Variants in LAMC2 observed in about 807,000 individuals in gnomAD.
The protein encoded by LAMC2 is laminin subunit gamma 2.
LAMC2 carries 97 observed loss-of-function variants against 140.2 expected under a neutral mutation model. The ratio of observed to expected loss-of-function variants is 0.69; its 90% CI spans 0.59 to 0.82. The LOEUF (loss-of-function observed/expected upper bound fraction) is 0.82, where lower values mean the gene tolerates loss of function less well. Among genes scored for constraint, LAMC2 ranks in the 40% least tolerant of loss-of-function variants. The pLI is 0.00. For synonymous variants in LAMC2, 513 were observed against 540.2 expected, an observed-to-expected ratio of 0.95 and a Z score of 0.70; for missense variants, 1,402 against 1,476.1, an observed-to-expected ratio of 0.95 and a Z score of 0.82.
At chr1:183,241,908 GAGT>G (rs1335573554) in intron 22 of LAMC2, among the ~76,000 whole-genome samples, 2 of 152,198 alleles carry the variant, frequency 1.3e-5, no homozygotes, top group African/African-American at 4.8e-5. Flanking sequence ...GAATATGAGA[GAGT>G]AGGGAGAGCA....
In LAMC2 at chr1:183,215,556, G is replaced by C; in HGVS notation, c.372G>C (p.Thr124=). 1 of 1,614,138 alleles carries C rather than the reference G, an allele frequency of 6.2e-7. No homozygotes were observed. Among genetic ancestry groups the C allele is most frequent in the Non-Finnish European group, 8.5e-7 (1 of 1,180,042 alleles). ...DRCLPGFHML[T]DAGCTQDQRL... ...GTCTGCCAGGCTTCCACATGCTCAC[G>C]GATGCGGGGTGCACCCAAGACCAGA... The change falls in exon 3 of 23, where the codon ACG becomes ACC. Residue 124 remains threonine, a synonymous_variant. Transcript: ENST00000264144.
Position 183,241,331 on chromosome 1 carries a change from G to A in LAMC2, c.3328+940G>A. ...CCCCAAACCAAAGTTATACCTTGAT[G>A]TAACCAGTGGGAGGAACTTGAGCTG... is the stretch of plus-strand genomic sequence containing the variant. On this transcript the variant is annotated intron_variant, in intron 22 of 22. Coordinates refer to ENST00000264144, the MANE Select transcript of LAMC2 (RefSeq NM_005562.3). The A allele has an allele frequency of 4.1e-6, 4 of 985,006 alleles. No homozygotes were observed. The South Asian group carries it at 1.4e-4, about 35-fold the overall frequency. The allele number at this position is 985,006 out of a possible 1,614,324, so 61.0% of individuals were successfully genotyped here.
chr1:183,239,575 T>C lies in LAMC2; in HGVS notation c.3069+12T>C, dbSNP rs1296470764. Reference sequence around the variant, plus strand: ...GTGAGATTGAACAGGTAAAGAGAAATCGACATGTGTGTTGGTGCCAGTAGC... The same window carrying C: ...GTGAGATTGAACAGGTAAAGAGAAACCGACATGTGTGTTGGTGCCAGTAGC... On this transcript the variant is annotated intron_variant, in intron 20 of 22. Transcript: ENST00000264144. 1.9e-6 allele frequency: 3 copies of C among 1,609,262 alleles called. No individual in the cohort carries two copies. The highest frequency in any genetic ancestry group is 2.5e-6 in the Non-Finnish European group (3 of 1,176,942).
At chr1:183,231,518 T>C (rs945783400) in intron 12 of LAMC2, among the ~76,000 whole-genome samples, 1 of 152,208 alleles carries the variant, frequency 6.6e-6, no homozygotes, top group Non-Finnish European at 1.5e-5. Flanking sequence ...AATATTTCAC[T>C]TTCCAGCTCG....
chr1:183,190,756 A>G (rs1658306063), intron 1 of LAMC2, among the ~76,000 whole-genome samples: 1 of 152,214 alleles, frequency 6.6e-6, no homozygotes, highest in South Asian at 2.1e-4. Flanking sequence ...ATAAAATATT[A>G]TACTTAGAAG....
chr1:183,198,560 G>A (rs2102178085), intron 1 of LAMC2, among the ~76,000 whole-genome samples: 1 of 152,280 alleles, frequency 6.6e-6, no homozygotes, highest in Admixed American at 6.5e-5. Context: ...AACCGAAATG[G>A]TAGCAACAGC....
At chr1:183,225,793 C>T (rs996247670) in intron 8 of LAMC2, 73 bp downstream of exon 8, 18 of 983,274 alleles carry the variant, frequency 1.8e-5, no homozygotes, top group African/African-American at 9.6e-5. Context: ...TCTAAGGTGG[C>T]GGCAGTCTCC....
In LAMC2 at chr1:183,234,423, G is replaced by A. The variant is rs748581829; in HGVS notation, c.2277G>A (p.Gln759=). ...CAAATGGCTTTAAAAGTCTGGCTCA[G>A]GAGGCCACAAGATTAGCAGAAAGGT... The part of the protein sequence containing the change: ...VGPNGFKSLA[Q]EATRLAESHV... The change falls in exon 15 of 23, where the codon CAG becomes CAA. Residue 759 remains glutamine (Q), a synonymous_variant. Coordinates refer to ENST00000264144, the MANE Select transcript of LAMC2 (RefSeq NM_005562.3). 4.9e-5 allele frequency: 79 copies of A among 1,614,020 alleles called. No individual in the cohort carries two copies. Among genetic ancestry groups the A allele is most frequent in the African/African-American group, 2.7e-5 (2 of 74,944 alleles).
chr1:183,240,618 G>A, intron 22 of LAMC2: 2 of 1,421,216 alleles, frequency 1.4e-6, no homozygotes, highest in South Asian at 3.1e-5. Flanking sequence ...TTGCACTTGG[G>A]GGTAAAGGTC....
chr1:183,249,696 TGTGTGTG>T (rs1333825574), downstream of LAMC2: 12 of 147,348 alleles, frequency 8.1e-5, no homozygotes, highest in African/African-American at 1.3e-4. Context: ...TGTGTGTGTG[TGTGTGTG>T]TGTGTGTGTG....
At chr1:183,231,807 G>A (rs567106929) in intron 12 of LAMC2, among the ~76,000 whole-genome samples, 8 of 152,242 alleles carry the variant, frequency 5.3e-5, no homozygotes, top group African/African-American at 9.6e-5. Flanking sequence ...AGCCTTTTAC[G>A]CACTTCCTTT....
chr1:183,221,868 G>C (rs1659484361), intron 5 of LAMC2, among the ~76,000 whole-genome samples: 1 of 152,120 alleles, frequency 6.6e-6, no homozygotes, highest in African/African-American at 2.4e-5. Flanking sequence ...CAGACTCAAA[G>C]ATGAGAAATC....
At position 183,189,609 on chromosome 1, in the gene LAMC2, C is replaced by T. The variant is rs529704701; in HGVS notation, c.79+3178C>T. ...TAGAAAGCAAAGCCTTGACCACAGA[C>T]GAGATTGCCTAGGATATGGAGGTAA... On this transcript the variant is annotated intron_variant, in intron 1 of 22. Transcript: ENST00000264144. Among the ~76,000 whole-genome samples, 225 of 152,062 alleles carry T rather than the reference C, an allele frequency of 1.5e-3. 1 individual carries two copies. The highest frequency in any genetic ancestry group is 4.6e-3 in the African/African-American group (189 of 41,450).
At chr1:183,252,157 CAAAA>C in the LAMC2 span, 2 of 155,950 alleles carry the variant, frequency 1.3e-5, no homozygotes, top group African/African-American at 2.4e-5. Context: ...AATAAATAAA[CAAAA>C]GAAAGAAAAG....
intron 15 of LAMC2, 60 bp downstream of exon 15, chr1:183,234,506 A>T (rs1321301447): frequency 7.6e-7 from 1 of 1,316,226 alleles, no homozygotes; most frequent in African/African-American, 1.4e-5. Context: ...AGACTTGAAT[A>T]AGAGTGTAGG....
In LAMC2 at chr1:183,239,419, ACT is replaced by A. The variant is rs1057516935; in HGVS notation, c.2929_2930del (p.Ser977LeufsTer11). ...CAGAAGCTGAAGAAGCCATGAAGAG[ACT>A]CTCCTACATCAGCCAGAAGGTTTCA... is the stretch of plus-strand genomic sequence containing the variant. ...KAEAEEAMKR[L>X]SYISQKVSDA... On this transcript the variant is annotated frameshift_variant, in exon 20 of 23. Coordinates refer to ENST00000264144, the MANE Select transcript of LAMC2 (RefSeq NM_005562.3). LOFTEE classifies it high-confidence loss of function. The A allele has an allele frequency of 3.7e-6, 6 of 1,614,104 alleles. No individual in the cohort carries two copies. Among genetic ancestry groups the A allele is most frequent in the Non-Finnish European group, 5.1e-6 (6 of 1,180,018 alleles).
chr1:183,232,452 C>A, intron 13 of LAMC2, 109 bp downstream of exon 13: 1 of 1,325,648 alleles, frequency 7.5e-7, no homozygotes, highest in Non-Finnish European at 1.1e-6. Flanking sequence ...CAGTTATCTC[C>A]AGCCAGCCCT....
chr1:183,219,326 A>T (rs1026400322), intron 4 of LAMC2, among the ~76,000 whole-genome samples: 8 of 152,218 alleles, frequency 5.3e-5, no homozygotes, highest in Non-Finnish European at 8.8e-5. Flanking sequence ...CATAAAGTTT[A>T]AGTGTTAAAA....
the LAMC2 span, chr1:183,251,595 A>G: frequency 2.6e-5 from 4 of 152,704 alleles, no homozygotes; most frequent in East Asian, 1.9e-4. Flanking sequence ...GTGTCTAAGC[A>G]TGGCCTCCAA....
Sources: gnomAD v4.1 joint callset for allele counts (sites outside exome capture counted in the v4.1 genomes callset) on GRCh38, gnomAD v4.1.1 for gene constraint, MANE v1.5 for transcripts, NCBI Gene and HGNC (gene_info 2026-07-23, HGNC 2026-07-21) for gene names.